Variants in MSRA observed in about 807,000 individuals in gnomAD.
MSRA encodes methionine sulfoxide reductase A, also known as mitochondrial peptide methionine sulfoxide reductase.
A neutral mutation model predicts 31.3 loss-of-function variants in MSRA; 54 were observed. The observed-to-expected ratio is 1.73, with a 90% CI of 1.39 to 2.17. MSRA has a LOEUF of 2.17. Among genes scored for constraint, MSRA ranks in the 30% most tolerant of loss-of-function variants. The pLI is 0.00. For missense variants in MSRA, 507 were observed against 300.9 expected (o/e 1.69, Z -5.07); for synonymous variants, 169 against 116.5 (o/e 1.45, Z -2.90).
At chr8:10,238,008 G>A (rs1421059021) in intron 2 of MSRA, among the ~76,000 whole-genome samples, 1 of 152,084 alleles carries the variant, frequency 6.6e-6, no homozygotes, top group Non-Finnish European at 1.5e-5. Context: ...CTCCAATGTG[G>A]CTACCCATTT....
intron 5 of MSRA, among the ~76,000 whole-genome samples, chr8:10,342,497 T>G (rs184586380): frequency 2.6e-5 from 4 of 152,172 alleles, no homozygotes; most frequent in Non-Finnish European, 5.9e-5. Context: ...CTGGAAAAGA[T>G]TCTGGAGTTC....
intron 1 of MSRA, among the ~76,000 whole-genome samples, chr8:10,065,466 T>C (rs1797410586): frequency 3.3e-5 from 5 of 152,376 alleles, no homozygotes; most frequent in South Asian, 4.1e-4. Flanking sequence ...AGAATTATTT[T>C]CTGGTGCAGT....
intron 5 of MSRA, among the ~76,000 whole-genome samples, chr8:10,414,608 A>T (rs1808347951): frequency 6.6e-6 from 1 of 152,226 alleles, no homozygotes; most frequent in African/African-American, 2.4e-5. Context: ...AAGCGGTGAC[A>T]TTCAGAGGAG....
At chr8:10,267,037 C>T (rs548594870) in intron 3 of MSRA, among the ~76,000 whole-genome samples, 1 of 152,154 alleles carries the variant, frequency 6.6e-6, no homozygotes, top group Non-Finnish European at 1.5e-5. Flanking sequence ...TTGCATTTCT[C>T]GAACGAACAT....
chr8:10,321,961 G>A (rs368462930), intron 5 of MSRA, among the ~76,000 whole-genome samples: 1 of 152,192 alleles, frequency 6.6e-6, no homozygotes, highest in African/African-American at 2.4e-5. Context: ...AAGTTTTAGA[G>A]TAATTTAAGT....
At chr8:10,160,869 G>C (rs1804577858) in intron 1 of MSRA, among the ~76,000 whole-genome samples, 1 of 152,146 alleles carries the variant, frequency 6.6e-6, no homozygotes, top group South Asian at 2.1e-4. Context: ...GAAGTGACTT[G>C]AGTTCCAAAT....
chr8:10,239,721 C>G (rs1160227045), intron 2 of MSRA, among the ~76,000 whole-genome samples: 5 of 152,216 alleles, frequency 3.3e-5, no homozygotes, highest in African/African-American at 1.2e-4. Flanking sequence ...TCTAACTCTA[C>G]AGAGCCAAGA....
At chr8:10,071,974 G>A (rs1309415907) in intron 1 of MSRA, among the ~76,000 whole-genome samples, 1 of 152,044 alleles carries the variant, frequency 6.6e-6, no homozygotes, top group Non-Finnish European at 1.5e-5. Flanking sequence ...TGTGTCCAGG[G>A]GTCCCTCGTG....
chr8:10,305,257 G>T (rs186919121), intron 4 of MSRA, among the ~76,000 whole-genome samples: 192 of 152,248 alleles, frequency 1.3e-3, no homozygotes, highest in African/African-American at 4.3e-3. Context: ...AAGAATGTAA[G>T]CTTAGAGTCC....
At position 10,211,983 on chromosome 8, in the gene MSRA, C is replaced by A. The variant is rs187475406; in HGVS notation, c.211+4082C>A. On this transcript the variant is annotated intron_variant, in intron 2 of 5. Transcript: ENST00000317173. The stretch of plus-strand genomic sequence containing the variant: ...GTGGAAAATGGAGGGCAGGGGATTC[C>A]AAGCTTAATTTGTGAAGATTCTTGG... Among the ~76,000 whole-genome samples, 145 of 152,062 alleles carry A rather than the reference C, an allele frequency of 9.5e-4. 1 individual carries two copies. The highest frequency in any genetic ancestry group is 1.8e-3 in the Non-Finnish European group (125 of 67,980).
chr8:10,386,723 G>A (rs370309074), intron 5 of MSRA, among the ~76,000 whole-genome samples: 3 of 152,192 alleles, frequency 2.0e-5, no homozygotes, highest in East Asian at 3.9e-4. Context: ...AAAACCACTG[G>A]TCTAATTTAG....
At chr8:10,168,314 A>C (rs1447663227) in intron 1 of MSRA, among the ~76,000 whole-genome samples, 1 of 152,146 alleles carries the variant, frequency 6.6e-6, no homozygotes, top group East Asian at 1.9e-4. Flanking sequence ...TCTTCTAAAC[A>C]GTATCTCTCT....
intron 1 of MSRA, among the ~76,000 whole-genome samples, chr8:10,056,929 A>G (rs928295369): frequency 6.6e-6 from 1 of 152,206 alleles, no homozygotes; most frequent in South Asian, 2.1e-4. Flanking sequence ...TAGTGCGTTT[A>G]GATAAGCCTA....
At chr8:10,366,342 C>G (rs1805164205) in intron 5 of MSRA, among the ~76,000 whole-genome samples, 1 of 152,256 alleles carries the variant, frequency 6.6e-6, no homozygotes, top group Admixed American at 6.5e-5. Context: ...GTGCCACAGG[C>G]AAGCCCGTGT....
intron 1 of MSRA, among the ~76,000 whole-genome samples, chr8:10,185,835 G>C (rs1349592231): frequency 1.3e-5 from 2 of 152,130 alleles, no homozygotes; most frequent in African/African-American, 2.4e-5. Context: ...AAGTGCTTTC[G>C]TGTGAATCAC....
chr8:10,385,807 G>A (rs1806353476), intron 5 of MSRA, among the ~76,000 whole-genome samples: 1 of 149,822 alleles, frequency 6.7e-6, no homozygotes, highest in African/African-American at 2.4e-5. Context: ...TCACCTGGTG[G>A]GGGGTGGGGT....
chr8:10,363,751 C>CACACACACACACACACAG (rs1367390285), intron 5 of MSRA, among the ~76,000 whole-genome samples: 2 of 148,902 alleles, frequency 1.3e-5, no homozygotes, highest in Non-Finnish European at 3.0e-5. Flanking sequence ...CACACACACA[C>CACACACACACACACACAG]ACACACACAC....
intron 3 of MSRA, among the ~76,000 whole-genome samples, chr8:10,270,615 C>T (rs567026337): frequency 1.3e-5 from 2 of 152,248 alleles, no homozygotes; most frequent in South Asian, 4.2e-4. Context: ...GTCAGAGCAG[C>T]TGGAGTTCCA....
In MSRA at chr8:10,066,778, G is replaced by A. The variant is rs759188048; in HGVS notation, c.142+12120G>A. Among the ~76,000 whole-genome samples, 84 of 151,788 alleles carry A rather than the reference G, an allele frequency of 5.5e-4. 1 individual carries two copies. Among genetic ancestry groups the A allele is most frequent in the Non-Finnish European group, 1.5e-4 (10 of 67,950 alleles). On this transcript the variant is annotated intron_variant, in intron 1 of 5. Transcript: ENST00000317173. ...TCGAACTCCTGACCTCAGGTGATCC[G>A]CCTACCTCACCCTCCCAAAGTGCTG... is the stretch of plus-strand genomic sequence containing the variant.
Sources: gnomAD v4.1 joint callset for allele counts (sites outside exome capture counted in the v4.1 genomes callset) on GRCh38, gnomAD v4.1.1 for gene constraint, MANE v1.5 for transcripts, NCBI Gene and HGNC (gene_info 2026-07-23, HGNC 2026-07-21) for gene names.